The following CKAP2L variants were observed in gnomAD, a reference collection of about 807,000 sequenced individuals.
CKAP2L encodes cytoskeleton associated protein 2L.
CKAP2L carries 42 observed loss-of-function variants against 65.7 expected under a neutral mutation model. The ratio of observed to expected loss-of-function variants is 0.64; its 90% CI spans 0.50 to 0.83. The LOEUF is 0.83. Among genes scored for constraint, CKAP2L ranks in the 40% least tolerant of loss-of-function variants. The pLI, the probability that CKAP2L is intolerant of heterozygous loss-of-function variation, is 0.00. For synonymous variants in CKAP2L, 325 were observed against 313.5 expected (o/e 1.04, Z -0.39); for missense variants, 908 against 871.0 (o/e 1.04, Z -0.53).
chr2:112,752,541 T>C (rs1481024337), intron 4 of CKAP2L, 67 bp from the exon 5 acceptor site: 13 of 923,770 alleles, frequency 1.4e-5, no homozygotes, highest in Non-Finnish European at 2.2e-5. Context: ...CTAAAGTATA[T>C]GATATGTATA....
intron 5 of CKAP2L, among the ~76,000 whole-genome samples, chr2:112,747,173 C>T (rs986528664): frequency 1.5e-4 from 23 of 151,806 alleles, no homozygotes; most frequent in Admixed American, 1.3e-3. Flanking sequence ...TCGCTGCAAC[C>T]TCTACCTCCT....
At chr2:112,743,225 C>T (rs1680080348) in intron 6 of CKAP2L, among the ~76,000 whole-genome samples, 1 of 152,162 alleles carries the variant, frequency 6.6e-6, no homozygotes, top group African/African-American at 2.4e-5. Flanking sequence ...TCATTGCAAG[C>T]TCTGCCTCCT....
intron 4 of CKAP2L, among the ~76,000 whole-genome samples, chr2:112,755,264 T>C (rs13026263): frequency 0.4 from 61,433 of 152,074 alleles, 14,810 homozygotes; most frequent in East Asian, 0.69. Flanking sequence ...TCAATGTATG[T>C]TAATATTAAC....
intron 2 of CKAP2L, among the ~76,000 whole-genome samples, chr2:112,761,190 G>A (rs540651645): frequency 5.2e-4 from 79 of 152,204 alleles, no homozygotes; most frequent in African/African-American, 1.9e-3. Flanking sequence ...GCTGGGCGTA[G>A]TGGCTCACGC....
chr2:112,762,451 C>T, intron 2 of CKAP2L, 52 bp downstream of exon 2: 2 of 1,353,560 alleles, frequency 1.5e-6, no homozygotes. Context: ...CTTTAAATTG[C>T]TAGTACAAAG....
At chr2:112,762,427 A>C in intron 2 of CKAP2L, 76 bp downstream of exon 2, 1 of 1,135,492 alleles carries the variant, frequency 8.8e-7, no homozygotes, top group Non-Finnish European at 1.3e-6. Flanking sequence ...CAAAAGGGAC[A>C]TTTTTCAAAA....
intron 7 of CKAP2L, among the ~76,000 whole-genome samples, chr2:112,741,746 T>C (rs1349677721): frequency 1.3e-5 from 2 of 152,144 alleles, no homozygotes; most frequent in Non-Finnish European, 2.9e-5. Flanking sequence ...CATGACTTGA[T>C]TGTTCCCCAG....
At chr2:112,758,418 A>T (rs568723668) in intron 3 of CKAP2L, among the ~76,000 whole-genome samples, 85 of 152,342 alleles carry the variant, frequency 5.6e-4, no homozygotes, top group African/African-American at 2.0e-3. Flanking sequence ...TATTGTGAAG[A>T]ATCACTACAT....
Position 112,757,025 on chromosome 2 carries a change from G to T in CKAP2L, c.346C>A (p.Pro116Thr), listed in dbSNP as rs1573235027. ...CACTGTTGAAAACTCTTGCTAGAAG[G>T]CTTAGAGTATGGGTTAGAAGAAACA... ...ECVSSNPYSK[P>T]SSKSFQQCEA... The change falls in exon 4 of 9, where the codon CCT becomes ACT. Residue 116 changes from proline to threonine, a missense_variant. By Grantham distance (38) the Pro-to-Thr change is conservative. Transcript: ENST00000302450. 1 of 1,614,180 alleles carries T rather than the reference G, an allele frequency of 6.2e-7. No individual in the cohort carries two copies. Among genetic ancestry groups the T allele is most frequent in the Non-Finnish European group, 8.5e-7 (1 of 1,180,028 alleles).
intron 5 of CKAP2L, among the ~76,000 whole-genome samples, chr2:112,747,563 A>C (rs6542089): frequency 0.95 from 144,462 of 152,238 alleles, 68,562 homozygotes; most frequent in East Asian, 1. Context: ...CAAAAAGATA[A>C]TTTGAAATGG....
In CKAP2L at chr2:112,741,015, T is replaced by C. The variant is rs910339737; in HGVS notation, c.1823-8A>G. 1.9e-6 allele frequency: 3 copies of C among 1,574,594 alleles called. No individual in the cohort carries two copies. The highest frequency in any genetic ancestry group is 2.6e-6 in the Non-Finnish European group (3 of 1,150,374). On this transcript the variant is annotated splice_polypyrimidine_tract_variant and splice_region_variant and intron_variant, in intron 7 of 8. Transcript: ENST00000302450. ...AAGAGTCAGAAGTAATCCCTGTGTA[T>C]GTAAGATCATGAAGGAAAGTAAGAT...
At chr2:112,757,840 A>G (rs1213431465) in intron 3 of CKAP2L, among the ~76,000 whole-genome samples, 1 of 152,242 alleles carries the variant, frequency 6.6e-6, no homozygotes, top group Non-Finnish European at 1.5e-5. Flanking sequence ...TGCCTATTAT[A>G]TCCTAAGTGC....
intron 5 of CKAP2L, 85 bp downstream of exon 5, chr2:112,752,182 A>C (rs990207431): frequency 1.6e-5 from 15 of 915,640 alleles, no homozygotes; most frequent in African/African-American, 5.0e-5. Context: ...GATGAAGGCT[A>C]TCTCTCCTAT....
intron 3 of CKAP2L, among the ~76,000 whole-genome samples, chr2:112,758,947 G>C (rs568838295): frequency 2.0e-5 from 3 of 152,252 alleles, no homozygotes; most frequent in Non-Finnish European, 4.4e-5. Flanking sequence ...TTCTGTCTCT[G>C]TATGTCTATA....
At chr2:112,742,651 T>C (rs1680050313) in intron 7 of CKAP2L, 55 bp downstream of exon 7, 1 of 1,148,362 alleles carries the variant, frequency 8.7e-7, no homozygotes, top group Non-Finnish European at 1.3e-6. Context: ...ATGTCCTGGA[T>C]GATTTTTACT....
In CKAP2L at chr2:112,760,699, T is replaced by C; in HGVS notation, c.156+14A>G. On this transcript the variant is annotated intron_variant, in intron 3 of 8. Coordinates refer to ENST00000302450, the MANE Select transcript of CKAP2L (RefSeq NM_152515.5). ...TATGAATGCATATTTTTAAAAAGACTAATTTCTACTTACAGATTTAGAAGG... is the reference window on the plus strand; with the variant it reads ...TATGAATGCATATTTTTAAAAAGACCAATTTCTACTTACAGATTTAGAAGG... The C allele has an allele frequency of 7.3e-7, 1 of 1,363,920 alleles. No individual in the cohort carries two copies. Among genetic ancestry groups the C allele is most frequent in the Middle Eastern group, 1.8e-4 (1 of 5,494 alleles). 84.5% of individuals were successfully genotyped at this position (1,363,920 alleles called of 1,614,324 possible). A position where few individuals can be genotyped will look rare whatever the true frequency, so the allele number is the denominator to read the frequency against.
intron 5 of CKAP2L, among the ~76,000 whole-genome samples, chr2:112,748,827 T>G (rs1006269090): frequency 2.7e-5 from 4 of 149,732 alleles, no homozygotes; most frequent in Non-Finnish European, 5.9e-5. Flanking sequence ...ATGGCATCAC[T>G]GCACTCCAAT....
intron 4 of CKAP2L, 152 bp downstream of exon 4, chr2:112,755,825 A>G: frequency 2.8e-6 from 2 of 714,532 alleles, no homozygotes; most frequent in Admixed American, 5.8e-5. Context: ...AAGTCTTAAT[A>G]TTTGTTATAT....
At chr2:112,761,023 A>G (rs1410457088) in intron 2 of CKAP2L, among the ~76,000 whole-genome samples, 2 of 151,982 alleles carry the variant, frequency 1.3e-5, no homozygotes, top group African/African-American at 4.8e-5. Flanking sequence ...CTATACATAA[A>G]TCTAGCATTC....
Sources: gnomAD v4.1 joint callset for allele counts (sites outside exome capture counted in the v4.1 genomes callset) on GRCh38, gnomAD v4.1.1 for gene constraint, MANE v1.5 for transcripts, NCBI Gene and HGNC (gene_info 2026-07-23, HGNC 2026-07-21) for gene names.